PLEKHS1: variants seen among roughly 807,000 people sequenced by gnomAD.
PLEKHS1 encodes pleckstrin homology domain containing S1.
In PLEKHS1, 55 loss-of-function variants were observed where a neutral mutation model predicts 51.0. The ratio of observed to expected loss-of-function variants is 1.08; its 90% confidence interval spans 0.87 to 1.35. The LOEUF (loss-of-function observed/expected upper bound fraction) is 1.35, where lower values mean the gene tolerates loss of function less well. Ranked by LOEUF, PLEKHS1 falls within the 40% of genes most tolerant of loss-of-function variation. The pLI, the probability that PLEKHS1 is intolerant of heterozygous loss-of-function variation, is 0.00. For synonymous variants in PLEKHS1, 153 were observed against 144.8 expected, an observed-to-expected ratio of 1.06 and a Z score of -0.41; for missense variants, 398 against 423.0, an observed-to-expected ratio of 0.94 and a Z score of 0.52.
At chr10:113,771,913 G>A in intron 7 of PLEKHS1, 57 bp from the exon 8 acceptor site, 1 of 1,564,320 alleles carries the variant, frequency 6.4e-7, no homozygotes, top group Non-Finnish European at 8.6e-7. Flanking sequence ...GAATGCATGT[G>A]ATTTAATTCT....
chr10:113,756,127 C>T (rs953612884), intron 2 of PLEKHS1, among the ~76,000 whole-genome samples: 1 of 152,112 alleles, frequency 6.6e-6, no homozygotes, highest in Non-Finnish European at 1.5e-5. Context: ...TTACAAAGCA[C>T]CTATTACTAG....
intron 5 of PLEKHS1, 129 bp from the exon 6 acceptor site, chr10:113,768,686 T>C (rs906872180): frequency 2.5e-5 from 16 of 638,816 alleles, no homozygotes; most frequent in Non-Finnish European, 3.6e-5. Flanking sequence ...TTTAAGCTAC[T>C]TAGGAAAAAT....
exon 12 of PLEKHS1, chr10:113,780,841 C>G (rs745758152): frequency 1.4e-6 from 2 of 1,439,258 alleles, no homozygotes; most frequent in East Asian, 5.0e-5. Context: ...AGCTCTGCCC[C>G]CTGCTGCTGC....
intron 10 of PLEKHS1, 146 bp downstream of exon 10, chr10:113,775,181 A>G (rs1429433049): frequency 2.8e-6 from 2 of 721,660 alleles, no homozygotes; most frequent in Non-Finnish European, 4.5e-6. Flanking sequence ...TCTCCCTGTC[A>G]TTGATGTTGT....
rs1022278547 is a variant in PLEKHS1, at chr10:113,780,823, G to A, written c.*221G>A. 9 of 1,521,036 alleles carry A rather than the reference G, an allele frequency of 5.9e-6. No individual in the cohort carries two copies. In the African/African-American group the frequency reaches 8.3e-5, roughly 14 times the overall value. 94.2% of individuals were successfully genotyped at this position (1,521,036 alleles called of 1,614,324 possible). A position where few individuals can be genotyped will look rare whatever the true frequency, so the allele number is the denominator to read the frequency against. On this transcript the variant is annotated 3_prime_UTR_variant, in exon 12 of 12. Transcript: ENST00000361048. ...GGCAGCAGAACCAGGATGGAGCTGG[G>A]ACTGTCCAGCTCTGCCCCCTGCTGC...
rs185070893 is a variant in PLEKHS1 at position 113,777,240 on chromosome 10, C to T, written c.1091+1374C>T. The T allele has an allele frequency of 6.6e-4, 1,057 of 1,612,812 alleles. 9 individuals are homozygous for T. In the African/African-American group the frequency reaches 0.012, roughly 19 times the overall value. ...CTGGAGGAGGTCTCCCTGTTTCTTA[C>T]CCGGTCCATCCAGAAGGAGGTGAGT... is the stretch of plus-strand genomic sequence containing the variant. On this transcript the variant is annotated intron_variant, in intron 11 of 11. Transcript: ENST00000361048.
At position 113,775,754 on chromosome 10, in the gene PLEKHS1, C is replaced by G. The variant is rs1198149172; in HGVS notation, c.990-11C>G. ...TGCCTGATGTGACTTTTACAAATGT[C>G]TTGTTCATAGTAATATCCCCGATGA... is the stretch of plus-strand genomic sequence containing the variant. On this transcript the variant is annotated splice_polypyrimidine_tract_variant and intron_variant, in intron 10 of 11. Coordinates refer to ENST00000361048, the Ensembl canonical transcript of PLEKHS1. 5 of 1,600,248 alleles carry G rather than the reference C, an allele frequency of 3.1e-6. No individual in the cohort carries two copies. The Admixed American group carries it at 5.0e-5, about 16-fold the overall frequency.
chr10:113,775,727 GT>G (rs1564827339), intron 10 of PLEKHS1, 37 bp from the exon 11 acceptor site: 1 of 1,471,522 alleles, frequency 6.8e-7, no homozygotes, highest in Non-Finnish European at 9.4e-7. Flanking sequence ...GCCAAGGTCA[GT>G]TGCCTGATGT....
intron 11 of PLEKHS1, among the ~76,000 whole-genome samples, chr10:113,776,077 G>A (rs1399807947): frequency 6.6e-6 from 1 of 152,130 alleles, no homozygotes; most frequent in Non-Finnish European, 1.5e-5. Context: ...TGAGCAGGGG[G>A]AATAACAGGA....
chr10:113,757,916 G>A (rs117206131), intron 2 of PLEKHS1, among the ~76,000 whole-genome samples: 77 of 152,250 alleles, frequency 5.1e-4, no homozygotes, highest in Middle Eastern at 3.4e-3. Context: ...TTCATATCCC[G>A]TAAGAAGCAG....
chr10:113,756,779 A>G (rs1308015483), intron 2 of PLEKHS1, among the ~76,000 whole-genome samples: 1 of 152,204 alleles, frequency 6.6e-6, no homozygotes. Flanking sequence ...ATAAGGTAGG[A>G]GAAGGGAAAA....
chr10:113,756,984 T>C (rs145139060), intron 2 of PLEKHS1, among the ~76,000 whole-genome samples: 2,050 of 146,070 alleles, frequency 0.014, 55 homozygotes, highest in African/African-American at 0.049. Flanking sequence ...TGGTGCGATC[T>C]CAACTCACTG....
intron 4 of PLEKHS1, among the ~76,000 whole-genome samples, 158 bp from the exon 5 acceptor site, chr10:113,767,187 T>C (rs1240100428): frequency 1.3e-5 from 2 of 152,186 alleles, no homozygotes; most frequent in East Asian, 3.8e-4. Context: ...ATTAACCAGA[T>C]CAAAAAATCC....
chr10:113,762,400 TGAAAC>T (rs1843982424), intron 2 of PLEKHS1, among the ~76,000 whole-genome samples: 1 of 139,604 alleles, frequency 7.2e-6, no homozygotes, highest in African/African-American at 2.6e-5. Flanking sequence ...TTTAGTTTCC[TGAAAC>T]GTTTCAGGTG....
At chr10:113,773,856 T>C (rs1245890514) in intron 8 of PLEKHS1, among the ~76,000 whole-genome samples, 1 of 152,188 alleles carries the variant, frequency 6.6e-6, no homozygotes, top group African/African-American at 2.4e-5. Flanking sequence ...CAGCTTCACA[T>C]TGTGTCAGAG....
At chr10:113,782,346 A>G (rs1564832026) in exon 12 of PLEKHS1, 1 of 152,246 alleles carries the variant, frequency 6.6e-6, no homozygotes, top group African/African-American at 2.4e-5. Flanking sequence ...AAATACCTTC[A>G]GCACTTAGAA....
chr10:113,774,856 G>A (rs1388485415), exon 10 of PLEKHS1: 2 of 1,614,014 alleles, frequency 1.2e-6, no homozygotes, highest in Non-Finnish European at 1.7e-6. Flanking sequence ...ATGAGTCTGT[G>A]GATAGCAGCA....
intron 2 of PLEKHS1, among the ~76,000 whole-genome samples, chr10:113,756,108 C>A (rs1854095851): frequency 1.3e-5 from 2 of 152,152 alleles, no homozygotes; most frequent in African/African-American, 4.8e-5. Flanking sequence ...CAATTCAACT[C>A]AAAAATGTTT....
At chr10:113,774,686 C>T (rs1345501972) in intron 9 of PLEKHS1, 140 bp from the exon 10 acceptor site, 8 of 717,890 alleles carry the variant, frequency 1.1e-5, no homozygotes, top group Non-Finnish European at 1.6e-5. Context: ...CTAGCTGTGG[C>T]TGTGATTCTG....
Sources: gnomAD v4.1 joint callset for allele counts (sites outside exome capture counted in the v4.1 genomes callset) on GRCh38, gnomAD v4.1.1 for gene constraint, MANE v1.5 for transcripts, NCBI Gene and HGNC (gene_info 2026-07-23, HGNC 2026-07-21) for gene names.